The following ZDHHC13 variants were observed in gnomAD, a reference collection of about 807,000 sequenced individuals.
The protein encoded by ZDHHC13 is zDHHC palmitoyltransferase 13, also known as palmitoyltransferase ZDHHC13.
In ZDHHC13, 85 loss-of-function variants were observed where a neutral mutation model predicts 86.0. The observed-to-expected ratio is 0.99, with a 90% CI of 0.83 to 1.18. The LOEUF is 1.18. ZDHHC13 is among the 50% of genes most tolerant of loss of function. The pLI, the probability that ZDHHC13 is intolerant of heterozygous loss-of-function variation, is 0.00. For synonymous variants in ZDHHC13, 263 were observed against 246.4 expected (o/e 1.07, Z -0.63); for missense variants, 711 against 730.2 (o/e 0.97, Z 0.30).
At chr11:19,159,577 GTGT>G (rs1229830273) in intron 10 of ZDHHC13, among the ~76,000 whole-genome samples, 2 of 150,076 alleles carry the variant, frequency 1.3e-5, no homozygotes, top group African/African-American at 5.1e-5. Context: ...TTACTCTATG[GTGT>G]TATTTCATCC....
At chr11:19,168,405 C>T (rs1850131908) in intron 14 of ZDHHC13, 1 of 152,164 alleles carries the variant, frequency 6.6e-6, no homozygotes, top group Admixed American at 6.5e-5. Flanking sequence ...AGTGATTTTC[C>T]ATCACATTCA....
chr11:19,130,169 G>T (rs751145174), intron 1 of ZDHHC13, among the ~76,000 whole-genome samples: 83 of 151,984 alleles, frequency 5.5e-4, no homozygotes, highest in Middle Eastern at 6.8e-3. Context: ...ATTTGATAGG[G>T]TTAACTAATT....
At chr11:19,126,863 AT>A (rs779630225) in intron 1 of ZDHHC13, among the ~76,000 whole-genome samples, 21 of 152,136 alleles carry the variant, frequency 1.4e-4, no homozygotes, top group Non-Finnish European at 2.8e-4. Flanking sequence ...TTTGTCATTG[AT>A]GGGCATTTAC....
intron 8 of ZDHHC13, 90 bp downstream of exon 8, chr11:19,152,774 G>T: frequency 3.2e-6 from 5 of 1,586,040 alleles, no homozygotes; most frequent in Non-Finnish European, 4.3e-6. Context: ...AAACCAGAGA[G>T]TTGGCTTTTT....
chr11:19,144,432 A>AGAGTGTGTGTGTGTGTGT (rs377410572), intron 2 of ZDHHC13, among the ~76,000 whole-genome samples: 8 of 143,074 alleles, frequency 5.6e-5, no homozygotes, highest in Admixed American at 1.4e-4. Context: ...AGAGCTATGG[A>AGAGTGTGTGTGTGTGTGT]GTGTGTGTGT....
chr11:19,172,886 G>A (rs879136016), intron 16 of ZDHHC13, 66 bp downstream of exon 16: 1 of 1,405,970 alleles, frequency 7.1e-7, no homozygotes, highest in South Asian at 1.4e-5. Flanking sequence ...TTCCTAAGCT[G>A]GTGCCACTAC....
At chr11:19,135,863 C>T (rs980577576) in intron 1 of ZDHHC13, among the ~76,000 whole-genome samples, 2 of 152,176 alleles carry the variant, frequency 1.3e-5, no homozygotes, top group African/African-American at 4.8e-5. Context: ...GCTGAGGGTC[C>T]TGTCTGTTAG....
In ZDHHC13 at chr11:19,129,177, A is replaced by G. The variant is rs546033931; in HGVS notation, c.27+11901A>G. ...TTTTAAAGATTCCTTAGGATTTTCT[A>G]TGCATATGATCATGTTTTTGCAAGT... is the stretch of plus-strand genomic sequence containing the variant. On this transcript the variant is annotated intron_variant, in intron 1 of 16. Transcript: ENST00000446113. Among the ~76,000 whole-genome samples the G allele has an allele frequency of 2.6e-5, 4 of 152,340 alleles. No homozygotes were observed. In the South Asian group the frequency reaches 6.2e-4, roughly 24 times the overall value.
intron 1 of ZDHHC13, among the ~76,000 whole-genome samples, chr11:19,129,656 T>C (rs1848946703): frequency 6.6e-6 from 1 of 152,202 alleles, no homozygotes; most frequent in Admixed American, 6.5e-5. Context: ...TGATGTATAG[T>C]CTTTTTTATA....
At chr11:19,152,035 A>T (rs1178967230) in intron 6 of ZDHHC13, 123 bp from the exon 7 acceptor site, 6 of 1,022,128 alleles carry the variant, frequency 5.9e-6, no homozygotes, top group Non-Finnish European at 8.3e-6. Flanking sequence ...GAAGTTTCTC[A>T]GTTCTGAATA....
chr11:19,143,020 C>T lies in ZDHHC13; in HGVS notation c.70C>T (p.Arg24Ter), dbSNP rs373647126. ...TGGCCCCCACCCTCCAGGATTTGGT[C>T]GATATGGCATCTGTGCACATGAAAA... ...SHGPHPPGFG[R>*]YGICAHENKE... is the part of the protein sequence containing the mutation. The change falls in exon 2 of 17, where the codon CGA becomes TGA. Residue 24 changes from arginine to a stop codon, truncating the protein, a stop_gained. Coordinates refer to ENST00000446113, the MANE Select transcript of ZDHHC13 (RefSeq NM_019028.3). LOFTEE classifies it high-confidence loss of function. The T allele has an allele frequency of 6.2e-6, 10 of 1,611,822 alleles. No individual in the cohort carries two copies. Among genetic ancestry groups the T allele is most frequent in the East Asian group, 2.2e-5 (1 of 44,854 alleles).
At chr11:19,162,812 T>A (rs1472586383) in intron 10 of ZDHHC13, among the ~76,000 whole-genome samples, 1 of 152,148 alleles carries the variant, frequency 6.6e-6, no homozygotes, top group African/African-American at 2.4e-5. Context: ...CATAAAGAAA[T>A]TATGATGTGA....
In ZDHHC13 at chr11:19,143,009, C is replaced by G; in HGVS notation, c.59C>G (p.Pro20Arg). 3.1e-6 allele frequency: 5 copies of G among 1,611,412 alleles called. No homozygotes were observed. Among genetic ancestry groups the G allele is most frequent in the Non-Finnish European group, 4.2e-6 (5 of 1,178,634 alleles). Residue 20 changes from proline to arginine, a missense_variant, in exon 2 of 17, where the codon CCA becomes CGA. Transcript: ENST00000446113. ...CRNHSHGPHP[P>R]GFGRYGICAH... ...AATCACAGCCATGGCCCCCACCCTC[C>G]AGGATTTGGTCGATATGGCATCTGT... is the stretch of plus-strand genomic sequence containing the variant.
intron 4 of ZDHHC13, among the ~76,000 whole-genome samples, chr11:19,147,938 A>G (rs370378267): frequency 4.6e-5 from 7 of 152,164 alleles, no homozygotes; most frequent in African/African-American, 1.4e-4. Flanking sequence ...TGGTAACATA[A>G]ATAAAAATAG....
chr11:19,174,562 T>C (rs1277728335), intron 16 of ZDHHC13, among the ~76,000 whole-genome samples: 1 of 152,246 alleles, frequency 6.6e-6, no homozygotes, highest in Admixed American at 6.5e-5. Context: ...AGGTGTGTTT[T>C]GTTGTGTGTA....
chr11:19,174,795 T>A (rs770733148), intron 16 of ZDHHC13, among the ~76,000 whole-genome samples: 34 of 152,076 alleles, frequency 2.2e-4, no homozygotes, highest in Non-Finnish European at 4.1e-4. Context: ...TGTAGAGCAG[T>A]GTGCGTTCCA....
rs1341467092 is a variant in ZDHHC13 at position 19,149,306 on chromosome 11, T to C, written c.494T>C (p.Ile165Thr). ...GTATTGTTTCAACACATGCCTATTA[T>C]AGCATATCTCATCTCAAAGGGACAG... is the stretch of plus-strand genomic sequence containing the variant. ...LAVLFQHMPI[I>T]AYLISKGQSV... The change falls in exon 5 of 17, where the codon ATA (isoleucine) becomes ACA (threonine). Residue 165 changes from isoleucine to threonine, a missense_variant. Physicochemically the swap from Ile to Thr is moderately conservative, Grantham distance 89. Transcript: ENST00000446113. The C allele has an allele frequency of 6.2e-7, 1 of 1,602,220 alleles. No individual in the cohort carries two copies. Among genetic ancestry groups the C allele is most frequent in the Middle Eastern group, 1.7e-4 (1 of 6,016 alleles).
chr11:19,166,685 G>A (rs577309465), intron 14 of ZDHHC13: 2 of 190,382 alleles, frequency 1.1e-5, no homozygotes, highest in South Asian at 1.3e-4. Context: ...AGCTGCTGAA[G>A]TACAAAGCTG....
chr11:19,133,640 A>C (rs1159610596), intron 1 of ZDHHC13, among the ~76,000 whole-genome samples: 1 of 152,192 alleles, frequency 6.6e-6, no homozygotes, highest in Non-Finnish European at 1.5e-5. Context: ...CAAATGATAG[A>C]GAATACGTAT....
Sources: allele counts gnomAD v4.1 joint callset (sites outside exome capture counted in the v4.1 genomes callset), GRCh38; gene constraint gnomAD v4.1.1; transcripts MANE v1.5; gene names NCBI Gene and HGNC (gene_info 2026-07-23, HGNC 2026-07-21).